IRAG2: variants seen among roughly 807,000 people sequenced by gnomAD.
The protein encoded by IRAG2 is lymphoid restricted membrane protein.
In IRAG2, 45 loss-of-function variants were observed where a neutral mutation model predicts 69.9. The ratio of observed to expected loss-of-function variants is 0.64; its 90% confidence interval spans 0.51 to 0.83. The LOEUF is 0.83. IRAG2 is among the 40% of genes least tolerant of loss of function. The pLI is 0.00. For missense variants in IRAG2, 520 were observed against 587.0 expected (o/e 0.89, Z 1.18); for synonymous variants, 193 against 202.4 (o/e 0.95, Z 0.40).
intron 14 of IRAG2, chr12:25,036,562 A>G: frequency 2.5e-6 from 1 of 398,846 alleles, no homozygotes; most frequent in African/African-American, 2.1e-5. Context: ...TTCCTAGTTG[A>G]AGATGTGGAA....
upstream of IRAG2, among the ~76,000 whole-genome samples, chr12:25,004,136 T>C (rs576890312): frequency 3.7e-4 from 57 of 152,196 alleles, no homozygotes; most frequent in Non-Finnish European, 7.3e-4. Context: ...TTAGCTGTTA[T>C]TTTCCTGAAA....
intron 2 of IRAG2, among the ~76,000 whole-genome samples, chr12:25,008,780 A>G (rs12313397): frequency 7.8e-4 from 119 of 152,150 alleles, no homozygotes; most frequent in African/African-American, 2.8e-3. Flanking sequence ...ATTGCTAAAG[A>G]TAGTGTAAGG....
At chr12:25,034,017 AAGGTTCACAGCTTGCCAAAAACTAC>A (rs1161213335) in intron 13 of IRAG2, 13 of 397,760 alleles carry the variant, frequency 3.3e-5, no homozygotes, top group Admixed American at 8.8e-5. Context: ...TGATTTAATG[AAGGTTCACAGCTTGCCAAAAACTAC>A]CAGTGACACT....
chr12:25,063,187 G>C (rs368968742), intron 3 of IRAG2, among the ~76,000 whole-genome samples: 1 of 151,972 alleles, frequency 6.6e-6, no homozygotes, highest in Non-Finnish European at 1.5e-5. Flanking sequence ...CTCAGCCTCC[G>C]GAGTAGCTGG....
At chr12:25,074,989 C>T (rs563343250) in intron 6 of IRAG2, among the ~76,000 whole-genome samples, 1 of 152,070 alleles carries the variant, frequency 6.6e-6, no homozygotes, top group Non-Finnish European at 1.5e-5. Flanking sequence ...AATAACATTG[C>T]CAGTTGCAAA....
intron 1 of IRAG2, among the ~76,000 whole-genome samples, chr12:25,054,237 T>A (rs996507600): frequency 6.6e-6 from 1 of 152,226 alleles, no homozygotes; most frequent in Non-Finnish European, 1.5e-5. Flanking sequence ...TGTGTTATTT[T>A]ACTACTGCTC....
upstream of IRAG2, among the ~76,000 whole-genome samples, chr12:25,050,252 C>A (rs1401449648): frequency 6.6e-6 from 1 of 151,850 alleles, no homozygotes; most frequent in Non-Finnish European, 1.5e-5. Flanking sequence ...TATGGAGGGC[C>A]GGGTGCGGTG....
rs938431307 is a variant in IRAG2, at chr12:25,040,272, G to A, written c.2144+2135G>A. Among the ~76,000 whole-genome samples the A allele has an allele frequency of 3.0e-4, 45 of 152,228 alleles. 2 individuals carry two copies. The highest frequency in any genetic ancestry group is 1.5e-5 in the Non-Finnish European group (1 of 68,028). ...GCCTGTAATCCCAGCACTTTGGGAA[G>A]CCAAGACAGGAGGATAGTTTGAGCC... On this transcript the variant is annotated intron_variant, in intron 16 of 38. Transcript: ENST00000636465.
chr12:25,071,213 G>A (rs1946315079), intron 6 of IRAG2, among the ~76,000 whole-genome samples: 1 of 151,990 alleles, frequency 6.6e-6, no homozygotes, highest in African/African-American at 2.4e-5. Context: ...AAATTAGGTG[G>A]CGGGCACCTA....
chr12:25,043,641 G>A (rs1467305529), intron 16 of IRAG2, among the ~76,000 whole-genome samples: 13 of 151,792 alleles, frequency 8.6e-5, no homozygotes, highest in Admixed American at 8.5e-4. Flanking sequence ...TCATGCTCTA[G>A]ATGCCTGGGG....
chr12:25,074,398 T>A (rs1028358088), intron 6 of IRAG2, among the ~76,000 whole-genome samples: 1 of 152,188 alleles, frequency 6.6e-6, no homozygotes, highest in African/African-American at 2.4e-5. Flanking sequence ...TATATCCCCA[T>A]GTTCTTCAGG....
At chr12:25,066,794 C>T (rs142952333) in intron 5 of IRAG2, among the ~76,000 whole-genome samples, 1,796 of 151,696 alleles carry the variant, frequency 0.012, 15 homozygotes, top group South Asian at 0.032. Context: ...GGACTACAGA[C>T]GCATGCCACC....
rs11047836 is a variant in IRAG2, at chr12:25,102,174, G to A, written c.890-24G>A. ...AAATGGCATGTGTAATAGCTAAAATGTGTCAATGTGTTTTTCCTTTCAGAT... is the reference window on the plus strand; with the variant it reads ...AAATGGCATGTGTAATAGCTAAAATATGTCAATGTGTTTTTCCTTTCAGAT... On this transcript the variant is annotated intron_variant, in intron 16 of 21. Coordinates refer to ENST00000556887, the MANE Select transcript of IRAG2 (RefSeq NM_001366544.2). 8.0e-3 allele frequency: 12,797 copies of A among 1,606,000 alleles called. 65 individuals are homozygous for A. The highest frequency in any genetic ancestry group is 9.1e-3 in the Non-Finnish European group (10,657 of 1,173,324).
intron 5 of IRAG2, among the ~76,000 whole-genome samples, chr12:25,016,195 C>CA (rs35079588): frequency 0.6 from 85,890 of 142,056 alleles, 25,673 homozygotes; most frequent in Admixed American, 0.74. Context: ...GACTCCATCT[C>CA]AAAAAAAAAA....
chr12:25,007,507 G>A (rs1324337125), intron 2 of IRAG2, among the ~76,000 whole-genome samples: 1 of 151,954 alleles, frequency 6.6e-6, no homozygotes, highest in South Asian at 2.1e-4. Context: ...GCATTTTGTT[G>A]TCTGTTAAAG....
At chr12:25,079,587 T>C (rs984525518) in intron 8 of IRAG2, 69 bp from the exon 9 acceptor site, 18 of 1,265,960 alleles carry the variant, frequency 1.4e-5, no homozygotes, top group Non-Finnish European at 2.1e-5. Context: ...TTTTGCATAG[T>C]ATAGTTAAAT....
intron 16 of IRAG2, among the ~76,000 whole-genome samples, chr12:25,047,065 T>C (rs1338025330): frequency 6.6e-6 from 1 of 152,056 alleles, no homozygotes; most frequent in Admixed American, 6.6e-5. Flanking sequence ...ATACTAAGAA[T>C]ATGTAATAGG....
At chr12:25,053,063 T>A (rs1341398953) in intron 1 of IRAG2, 107 bp downstream of exon 1, 1 of 396,784 alleles carries the variant, frequency 2.5e-6, no homozygotes, top group African/African-American at 2.1e-5. Flanking sequence ...TTCCTGAGTT[T>A]ATGACAATGA....
At chr12:25,107,211 G>A (rs1949228421) in intron 21 of IRAG2, among the ~76,000 whole-genome samples, 161 bp downstream of exon 21, 1 of 152,096 alleles carries the variant, frequency 6.6e-6, no homozygotes, top group Non-Finnish European at 1.5e-5. Flanking sequence ...TTGAACCTAT[G>A]TTATCTATTT....
Sources: gnomAD v4.1 joint callset for allele counts (sites outside exome capture counted in the v4.1 genomes callset) on GRCh38, gnomAD v4.1.1 for gene constraint, MANE v1.5 for transcripts, NCBI Gene and HGNC (gene_info 2026-07-23, HGNC 2026-07-21) for gene names.